GRM8: variants seen among roughly 807,000 people sequenced by gnomAD.
GRM8 encodes the protein glutamate metabotropic receptor 8, also known as metabotropic glutamate receptor 8.
GRM8 carries 47 observed loss-of-function variants against 87.2 expected under a neutral mutation model. That is an observed-to-expected ratio of 0.54 (90% CI 0.43 to 0.69). The LOEUF (loss-of-function observed/expected upper bound fraction) is 0.69. GRM8 is among the 30% of genes least tolerant of loss of function. The pLI, the probability that GRM8 is intolerant of heterozygous loss-of-function variation, is 0.00. For synonymous variants in GRM8, 396 were observed against 404.5 expected, an observed-to-expected ratio of 0.98 and a Z score of 0.25; for missense variants, 1,019 against 1,139.2, an observed-to-expected ratio of 0.89 and a Z score of 1.52.
rs10279010 is a variant in GRM8, at chr7:126,829,884, T to G, written c.1157-59819A>C. ...TTTACTGCTTCCTTCAGGAGCTCTT[T>G]TAGGGCAGGCCTGGTGGTGACAAAA... On this transcript the variant is annotated intron_variant, in intron 6 of 10. Transcript: ENST00000339582. Among the ~76,000 whole-genome samples the G allele has an allele frequency of 8.7e-3, 1,321 of 152,272 alleles. 25 individuals are homozygous for G. The highest frequency in any genetic ancestry group is 0.03 in the African/African-American group (1,235 of 41,536).
intron 9 of GRM8, among the ~76,000 whole-genome samples, chr7:126,520,996 A>G (rs1423825539): frequency 6.6e-6 from 1 of 152,160 alleles, no homozygotes; most frequent in Non-Finnish European, 1.5e-5. Flanking sequence ...AAAGGACAGC[A>G]CTACAGTGAT....
chr7:126,967,642 C>T (rs1318931698), intron 3 of GRM8, among the ~76,000 whole-genome samples: 1 of 152,048 alleles, frequency 6.6e-6, no homozygotes, highest in East Asian at 1.9e-4. Flanking sequence ...TTCCATTTGC[C>T]CCCAAATGCA....
intron 8 of GRM8, among the ~76,000 whole-genome samples, chr7:126,601,431 A>C (rs891613117): frequency 1.8e-4 from 27 of 152,112 alleles, no homozygotes; most frequent in African/African-American, 3.6e-4. Context: ...ATTTATAGTC[A>C]TTTGGGTATA....
intron 3 of GRM8, among the ~76,000 whole-genome samples, chr7:126,924,112 C>A (rs1351902419): frequency 3.3e-5 from 5 of 152,122 alleles, no homozygotes; most frequent in Non-Finnish European, 7.4e-5. Context: ...AGACTCCTTG[C>A]TCCTCGTCAT....
intron 2 of GRM8, among the ~76,000 whole-genome samples, chr7:127,183,769 A>G (rs1203864876): frequency 3.3e-5 from 5 of 151,952 alleles, no homozygotes; most frequent in African/African-American, 1.2e-4. Flanking sequence ...GCTCAATAAA[A>G]TTTATAAACC....
At chr7:126,482,642 A>G (rs1419474) in intron 9 of GRM8, among the ~76,000 whole-genome samples, 47,247 of 151,726 alleles carry the variant, frequency 0.31, 8,121 homozygotes, top group Non-Finnish European at 0.37. Context: ...TCTGGGGGGA[A>G]GAGGAATTGA....
chr7:126,482,392 A>G (rs1189854773), intron 9 of GRM8, among the ~76,000 whole-genome samples: 1 of 152,052 alleles, frequency 6.6e-6, no homozygotes, highest in Non-Finnish European at 1.5e-5. Context: ...TAAAACCTGG[A>G]AACAACTTAA....
intron 8 of GRM8, among the ~76,000 whole-genome samples, chr7:126,607,837 A>AT (rs1798513797): frequency 1.4e-5 from 2 of 140,122 alleles, no homozygotes; most frequent in African/African-American, 5.3e-5. Context: ...ACCCAATGCT[A>AT]TCCCTCCCCC....
intron 8 of GRM8, among the ~76,000 whole-genome samples, chr7:126,569,727 C>G (rs1445646083): frequency 6.6e-6 from 1 of 152,130 alleles, no homozygotes; most frequent in Admixed American, 6.5e-5. Context: ...TATAAATTAT[C>G]CAAAAATGCA....
chr7:126,969,341 T>C (rs1428494304), intron 3 of GRM8, among the ~76,000 whole-genome samples: 1 of 152,204 alleles, frequency 6.6e-6, no homozygotes, highest in Non-Finnish European at 1.5e-5. Flanking sequence ...GTAAAAGTTC[T>C]TTCAAAATTG....
intron 3 of GRM8, among the ~76,000 whole-genome samples, chr7:126,935,106 T>A (rs1806174539): frequency 6.6e-6 from 1 of 152,228 alleles, no homozygotes; most frequent in Admixed American, 6.5e-5. Context: ...GAACCATGTC[T>A]GTTTCATTCT....
intron 9 of GRM8, among the ~76,000 whole-genome samples, chr7:126,451,964 C>A (rs912053856): frequency 6.6e-6 from 1 of 151,678 alleles, no homozygotes; most frequent in Non-Finnish European, 1.5e-5. Context: ...TATGTGGTAC[C>A]TATTTCCCCT....
chr7:127,224,045 A>G (rs893149733), intron 2 of GRM8, among the ~76,000 whole-genome samples: 1 of 152,180 alleles, frequency 6.6e-6, no homozygotes, highest in African/African-American at 2.4e-5. Flanking sequence ...GCTGGGGAAA[A>G]AAATGAACTA....
chr7:127,113,961 C>T (rs1262151566), intron 2 of GRM8, among the ~76,000 whole-genome samples: 3 of 152,102 alleles, frequency 2.0e-5, no homozygotes, highest in Non-Finnish European at 4.4e-5. Context: ...AGCTTTCATG[C>T]TCCTCCCACC....
At chr7:126,880,735 C>T (rs939600913) in intron 6 of GRM8, among the ~76,000 whole-genome samples, 1 of 152,194 alleles carries the variant, frequency 6.6e-6, no homozygotes, top group African/African-American at 2.4e-5. Context: ...TGTGAACTTG[C>T]CTCCAATCAC....
intron 8 of GRM8, among the ~76,000 whole-genome samples, chr7:126,600,333 T>C (rs1225642652): frequency 1.3e-5 from 2 of 152,144 alleles, no homozygotes; most frequent in African/African-American, 4.8e-5. Context: ...AAATATTGTA[T>C]TGGCAGATGT....
intron 9 of GRM8, among the ~76,000 whole-genome samples, chr7:126,528,614 TTGTGTGTGTGTGTG>T (rs59437677): frequency 6.0e-5 from 9 of 149,090 alleles, no homozygotes; most frequent in East Asian, 4.0e-4. Context: ...ACAAAAGAAG[TTGTGTGTGTGTGTG>T]TGTGTGTGTG....
intron 6 of GRM8, among the ~76,000 whole-genome samples, chr7:126,893,081 C>A (rs11978078): frequency 0.029 from 4,375 of 152,102 alleles, 207 homozygotes; most frequent in African/African-American, 0.099. Flanking sequence ...TCCAAGTTGT[C>A]TTTTCATTAT....
intron 2 of GRM8, among the ~76,000 whole-genome samples, chr7:127,153,479 G>T (rs922182007): frequency 2.6e-5 from 4 of 152,118 alleles, no homozygotes; most frequent in Non-Finnish European, 5.9e-5. Flanking sequence ...GATGGTATGG[G>T]TCAGATATCT....
Sources: allele counts gnomAD v4.1 joint callset (sites outside exome capture counted in the v4.1 genomes callset), GRCh38; gene constraint gnomAD v4.1.1; transcripts MANE v1.5; gene names NCBI Gene and HGNC (gene_info 2026-07-23, HGNC 2026-07-21).